CLCN3: variants seen among roughly 807,000 people sequenced by gnomAD.
CLCN3 encodes H(+)/Cl(-) exchange transporter 3.
In CLCN3, 16 loss-of-function variants were observed where a neutral mutation model predicts 83.4. That is an observed-to-expected ratio of 0.19 (90% CI 0.13 to 0.29). The LOEUF (loss-of-function observed/expected upper bound fraction) is 0.29, where lower values mean the gene tolerates loss of function less well. Ranked by LOEUF, CLCN3 falls within the 10% of genes least tolerant of loss-of-function variation. The pLI, the probability that CLCN3 is intolerant of heterozygous loss-of-function variation, is 1.00. For missense variants in CLCN3, 544 were observed against 1,006.0 expected (o/e 0.54, Z 6.21); for synonymous variants, 322 against 346.2 (o/e 0.93, Z 0.78).
intron 2 of CLCN3, among the ~76,000 whole-genome samples, chr4:169,650,735 G>T (rs140054220): frequency 6.6e-6 from 1 of 152,234 alleles, no homozygotes; most frequent in African/African-American, 2.4e-5. Context: ...TCTAAGCAGG[G>T]TCATGTTCTT....
intron 7 of CLCN3, among the ~76,000 whole-genome samples, chr4:169,695,383 AT>A (rs918226849): frequency 1.3e-5 from 2 of 152,020 alleles, no homozygotes; most frequent in African/African-American, 4.8e-5. Context: ...TCTGGCAAAA[AT>A]TTTTTTTAAC....
At chr4:169,718,698 A>T (rs905629270) in intron 12 of CLCN3, among the ~76,000 whole-genome samples, 2 of 152,228 alleles carry the variant, frequency 1.3e-5, no homozygotes, top group African/African-American at 4.8e-5. Flanking sequence ...TGCAATTGTC[A>T]TACCTGTATG....
intron 2 of CLCN3, among the ~76,000 whole-genome samples, chr4:169,662,255 A>G (rs925613849): frequency 9.2e-5 from 14 of 152,150 alleles, no homozygotes; most frequent in African/African-American, 2.9e-4. Flanking sequence ...TGGCAGCTCA[A>G]ATAGGTTCTT....
chr4:169,621,420 T>C (rs1773109650), intron 1 of CLCN3, among the ~76,000 whole-genome samples: 1 of 152,200 alleles, frequency 6.6e-6, no homozygotes, highest in Admixed American at 6.5e-5. Context: ...GTATGTAAAA[T>C]ATTTTTTGTG....
chr4:169,687,582 G>C (rs1414897923), intron 3 of CLCN3, 76 bp from the exon 4 acceptor site: 44 of 964,876 alleles, frequency 4.6e-5, no homozygotes, highest in Admixed American at 6.8e-5. Flanking sequence ...TGGTAAATGA[G>C]AAAAATTGCT....
intron 2 of CLCN3, among the ~76,000 whole-genome samples, chr4:169,659,081 A>T (rs1730968858): frequency 6.6e-6 from 1 of 152,072 alleles, no homozygotes; most frequent in African/African-American, 2.4e-5. Flanking sequence ...GTCTCATTCA[A>T]TACTTTAGGA....
chr4:169,700,036 G>A (rs762207684), intron 9 of CLCN3, among the ~76,000 whole-genome samples: 10 of 152,220 alleles, frequency 6.6e-5, no homozygotes, highest in Non-Finnish European at 5.9e-5. Flanking sequence ...ACAGTCAGTT[G>A]AACTACAAGA....
At chr4:169,695,731 T>G in intron 8 of CLCN3, 39 bp downstream of exon 8, 1 of 1,301,106 alleles carries the variant, frequency 7.7e-7, no homozygotes, top group Non-Finnish European at 1.1e-6. Context: ...TTATATATAA[T>G]TACCATTACA....
At chr4:169,633,323 T>G (rs1456030989) in intron 1 of CLCN3, among the ~76,000 whole-genome samples, 3 of 152,242 alleles carry the variant, frequency 2.0e-5, no homozygotes, top group African/African-American at 7.2e-5. Flanking sequence ...TCTCTAATTT[T>G]TATAATTTTG....
At chr4:169,711,913 G>T (rs978482559) in intron 11 of CLCN3, among the ~76,000 whole-genome samples, 16 of 151,966 alleles carry the variant, frequency 1.1e-4, no homozygotes, top group African/African-American at 3.9e-4. Context: ...CACCCAGGCT[G>T]GAGTGTGGTG....
intron 2 of CLCN3, among the ~76,000 whole-genome samples, chr4:169,669,778 T>C (rs1190309526): frequency 6.6e-6 from 1 of 152,200 alleles, no homozygotes; most frequent in Admixed American, 6.5e-5. Flanking sequence ...AGTTGGTTCT[T>C]CATCAGGCTT....
intron 2 of CLCN3, among the ~76,000 whole-genome samples, chr4:169,678,018 TGAC>T (rs1210477671): frequency 2.0e-5 from 3 of 152,192 alleles, no homozygotes; most frequent in Non-Finnish European, 4.4e-5. Context: ...ACCCGCCTGA[TGAC>T]AAGGCTGATT....
intron 11 of CLCN3, among the ~76,000 whole-genome samples, chr4:169,711,091 CTA>C (rs1310141994): frequency 1.3e-5 from 2 of 152,150 alleles, no homozygotes; most frequent in East Asian, 1.9e-4. Context: ...ATGAATTTGA[CTA>C]TATATTTCTT....
chr4:169,671,685 G>A (rs1206682419), intron 2 of CLCN3, among the ~76,000 whole-genome samples: 5 of 152,086 alleles, frequency 3.3e-5, no homozygotes, highest in Non-Finnish European at 5.9e-5. Flanking sequence ...ATATCGAATC[G>A]TGTTCTCCAT....
At chr4:169,631,590 CTT>C (rs1773372617) in intron 1 of CLCN3, among the ~76,000 whole-genome samples, 1 of 152,124 alleles carries the variant, frequency 6.6e-6, no homozygotes, top group African/African-American at 2.4e-5. Flanking sequence ...GCCCGGCCGT[CTT>C]TGCCCACTTT....
At chr4:169,698,523 T>C (rs1560866694) in intron 9 of CLCN3, among the ~76,000 whole-genome samples, 1 of 152,202 alleles carries the variant, frequency 6.6e-6, no homozygotes, top group Non-Finnish European at 1.5e-5. Flanking sequence ...GTTTTTAATG[T>C]AGCCAAAGAA....
At chr4:169,686,832 GT>G (rs1485300970) in intron 3 of CLCN3, among the ~76,000 whole-genome samples, 1 of 152,176 alleles carries the variant, frequency 6.6e-6, no homozygotes, top group Non-Finnish European at 1.5e-5. Context: ...ACCTTCTTGT[GT>G]TTTAGTATAG....
chr4:169,651,310 TC>T (rs1730726236), intron 2 of CLCN3, among the ~76,000 whole-genome samples: 2 of 152,154 alleles, frequency 1.3e-5, no homozygotes, highest in African/African-American at 4.8e-5. Context: ...CTATGAACTG[TC>T]CTTGGGAGAA....
chr4:169,638,960 T>C (rs1216254299), intron 2 of CLCN3, among the ~76,000 whole-genome samples: 1 of 152,214 alleles, frequency 6.6e-6, no homozygotes, highest in Non-Finnish European at 1.5e-5. Context: ...CACTTTAACA[T>C]GCAAACAAGA....
Sources: gnomAD v4.1 joint callset for allele counts (sites outside exome capture counted in the v4.1 genomes callset) on GRCh38, gnomAD v4.1.1 for gene constraint, MANE v1.5 for transcripts, NCBI Gene and HGNC (gene_info 2026-07-23, HGNC 2026-07-21) for gene names.